CWC27: variants seen among roughly 807,000 people sequenced by gnomAD.
CWC27 encodes CWC27 spliceosome associated cyclophilin, also known as spliceosome-associated protein CWC27 homolog.
A neutral mutation model predicts 63.6 loss-of-function variants in CWC27; 47 were observed. The ratio of observed to expected loss-of-function variants is 0.74; its 90% CI spans 0.58 to 0.94. CWC27 has a LOEUF of 0.94. CWC27 is among the 40% of genes least tolerant of loss of function. The probability of loss-of-function intolerance (pLI) is 0.00; values close to 1 mark genes in which losing one functional copy is unlikely to be tolerated. For synonymous variants in CWC27, 175 were observed against 179.8 expected (o/e 0.97, Z 0.22); for missense variants, 495 against 554.3 (o/e 0.89, Z 1.07).
At chr5:64,835,437 C>T (rs1194373285) in intron 10 of CWC27, among the ~76,000 whole-genome samples, 1 of 151,740 alleles carries the variant, frequency 6.6e-6, no homozygotes, top group African/African-American at 2.4e-5. Flanking sequence ...CTGTAGATTG[C>T]TGAATGTTTG....
At chr5:64,865,476 A>T (rs1746510652) in intron 10 of CWC27, among the ~76,000 whole-genome samples, 1 of 152,096 alleles carries the variant, frequency 6.6e-6, no homozygotes, top group African/African-American at 2.4e-5. Flanking sequence ...AGGATTTGAC[A>T]TAATTTTGCC....
In CWC27 at chr5:64,817,047, C is replaced by T. The variant is rs532703781; in HGVS notation, c.938+12661C>T. Among the ~76,000 whole-genome samples the T allele has an allele frequency of 3.9e-5, 6 of 152,254 alleles. No homozygotes were observed. The South Asian group carries it at 1.2e-3, about 32-fold the overall frequency. On this transcript the variant is annotated intron_variant, in intron 10 of 13. Transcript: ENST00000381070. ...TTCTGGCAAGGGCAACCCCTTCACT[C>T]TGTGTCCTGGTCCTCATATCCTTTT...
rs575732781 is a variant in CWC27 at position 64,816,729 on chromosome 5, A to C, written c.938+12343A>C. ...ATTTCTCTTATGTGTGGTAGAACCC[A>C]AAATGATACAAGGCAGCTTTTTTTC... On this transcript the variant is annotated intron_variant, in intron 10 of 13. Transcript: ENST00000381070. Among the ~76,000 whole-genome samples the C allele has an allele frequency of 2.3e-4, 35 of 152,302 alleles. 1 individual carries two copies. The Middle Eastern group carries it at 0.027, about 118-fold the overall frequency.
intron 10 of CWC27, chr5:64,808,266 A>C (rs770178672): frequency 1.1e-5 from 11 of 994,338 alleles, no homozygotes; most frequent in Non-Finnish European, 1.3e-5. Flanking sequence ...TTTTATCCCT[A>C]CTGCTCCTGG....
intron 2 of CWC27, among the ~76,000 whole-genome samples, chr5:64,776,145 C>T (rs1387761169): frequency 7.0e-6 from 1 of 142,704 alleles, no homozygotes; most frequent in African/African-American, 2.7e-5. Flanking sequence ...CTGCAAAGAC[C>T]ATTATTAATA....
At chr5:64,900,238 T>C (rs953008088) in intron 11 of CWC27, among the ~76,000 whole-genome samples, 4 of 152,218 alleles carry the variant, frequency 2.6e-5, no homozygotes, top group African/African-American at 9.6e-5. Flanking sequence ...CTTCGTGTGG[T>C]CACTTTCTAA....
At chr5:64,938,142 T>G (rs1340394063) in intron 11 of CWC27, among the ~76,000 whole-genome samples, 1 of 152,150 alleles carries the variant, frequency 6.6e-6, no homozygotes, top group Admixed American at 6.5e-5. Flanking sequence ...TTTGATCCTG[T>G]CATTATGATG....
chr5:64,798,729 A>G (rs537223288), intron 7 of CWC27, among the ~76,000 whole-genome samples: 1 of 152,332 alleles, frequency 6.6e-6, no homozygotes, highest in African/African-American at 2.4e-5. Context: ...AGGGAGCTTA[A>G]GGAAAAGAAG....
At position 64,784,571 on chromosome 5, in the gene CWC27, A is replaced by G. The variant is rs931294032; in HGVS notation, c.396+592A>G. Among the ~76,000 whole-genome samples the G allele has an allele frequency of 2.6e-5, 4 of 152,180 alleles. No homozygotes were observed. In the South Asian group the frequency reaches 8.3e-4, roughly 32 times the overall value. On this transcript the variant is annotated intron_variant, in intron 4 of 13. Coordinates refer to ENST00000381070, the MANE Select transcript of CWC27 (RefSeq NM_005869.4). Reference sequence around the variant, plus strand: ...TTTCTATATGTTTTAAGTCTTAGGCATATCGGACATCACTAGTGCATCAGC... The same window carrying G: ...TTTCTATATGTTTTAAGTCTTAGGCGTATCGGACATCACTAGTGCATCAGC...
chr5:64,941,033 A>G (rs1406273691), intron 11 of CWC27, among the ~76,000 whole-genome samples: 1 of 151,382 alleles, frequency 6.6e-6, no homozygotes, highest in African/African-American at 2.4e-5. Context: ...TTTTGTAGAG[A>G]TGGGGTTTCA....
chr5:64,990,511 C>T lies in CWC27; in HGVS notation c.1256+13273C>T, dbSNP rs1580768293. On this transcript the variant is annotated intron_variant, in intron 13 of 13. Coordinates refer to ENST00000381070, the MANE Select transcript of CWC27 (RefSeq NM_005869.4). ...CGATCTCCTGACCTCGTGATCTGCC[C>T]GCCTCGGCCTCCCAAAGTGCTGGGA... Among the ~76,000 whole-genome samples the T allele has an allele frequency of 4.3e-5, 2 of 46,906 alleles. 1 individual carries two copies. The highest frequency in any genetic ancestry group is 1.4e-3 in the South Asian group (2 of 1,388). The allele number at this position is 46,906 out of a possible 152,430, so 30.8% of individuals were successfully genotyped here.
rs560675988 is a variant in CWC27 at position 64,986,273 on chromosome 5, T to G, written c.1256+9035T>G. ...TTTTGTAAGAAACTGCCAAACTGTC[T>G]TCCAAAGTGTCTCTACCATTTTACA... On this transcript the variant is annotated intron_variant, in intron 13 of 13. Transcript: ENST00000381070. Among the ~76,000 whole-genome samples the G allele has an allele frequency of 2.0e-5, 3 of 152,350 alleles. No homozygotes were observed. The East Asian group carries it at 5.8e-4, about 29-fold the overall frequency.
intron 11 of CWC27, among the ~76,000 whole-genome samples, chr5:64,905,968 G>A (rs1021784698): frequency 6.6e-6 from 1 of 151,934 alleles, no homozygotes; most frequent in South Asian, 2.1e-4. Context: ...TAAGAATGAT[G>A]GTTTCCAGCT....
At chr5:64,955,849 T>G (rs1203043104) in intron 11 of CWC27, among the ~76,000 whole-genome samples, 3 of 152,134 alleles carry the variant, frequency 2.0e-5, no homozygotes, top group Admixed American at 2.0e-4. Flanking sequence ...AGAAAAATAA[T>G]TTTACCAGGA....
intron 11 of CWC27, among the ~76,000 whole-genome samples, chr5:64,933,021 A>G (rs1248298142): frequency 6.6e-6 from 1 of 152,090 alleles, no homozygotes; most frequent in Non-Finnish European, 1.5e-5. Flanking sequence ...ATCATCTATG[A>G]TTTTTCTCCA....
At chr5:64,946,687 C>T (rs1210390580) in intron 11 of CWC27, among the ~76,000 whole-genome samples, 1 of 150,870 alleles carries the variant, frequency 6.6e-6, no homozygotes, top group Non-Finnish European at 1.5e-5. Context: ...TTTCCATTTA[C>T]CCGTATTAGC....
At chr5:64,832,215 A>G (rs1324531427) in intron 10 of CWC27, among the ~76,000 whole-genome samples, 1 of 151,932 alleles carries the variant, frequency 6.6e-6, no homozygotes, top group Non-Finnish European at 1.5e-5. Flanking sequence ...GCATTGATCC[A>G]TCAAGTTATG....
chr5:64,969,647 CATGAA>C (rs1408641958), intron 11 of CWC27, among the ~76,000 whole-genome samples: 2 of 151,050 alleles, frequency 1.3e-5, no homozygotes, highest in African/African-American at 2.4e-5. Flanking sequence ...GAAATGAGGA[CATGAA>C]ATGAAATAAG....
At chr5:64,805,809 T>C (rs559567605) in intron 10 of CWC27, among the ~76,000 whole-genome samples, 1 of 152,232 alleles carries the variant, frequency 6.6e-6, no homozygotes, top group Non-Finnish European at 1.5e-5. Context: ...TTTAAAAAAT[T>C]GTTTACCTAA....
Sources: gnomAD v4.1 joint callset for allele counts (sites outside exome capture counted in the v4.1 genomes callset) on GRCh38, gnomAD v4.1.1 for gene constraint, MANE v1.5 for transcripts, NCBI Gene and HGNC (gene_info 2026-07-23, HGNC 2026-07-21) for gene names.